The following CCDC195 variants were observed in gnomAD, a reference collection of about 807,000 sequenced individuals.
The protein encoded by CCDC195 is coiled-coil domain-containing protein 195.
intron 2 of CCDC195, among the ~76,000 whole-genome samples, chr2:224,707,968 CTTCT>C (rs1399050648): frequency 5.1e-5 from 4 of 78,278 alleles, no homozygotes; most frequent in African/African-American, 1.2e-4. Context: ...CCCTCCCTCC[CTTCT>C]TCCCTCCCTC....
chr2:224,704,615 T>C (rs1697216572), intron 2 of CCDC195, among the ~76,000 whole-genome samples: 1 of 140,590 alleles, frequency 7.1e-6, no homozygotes, highest in African/African-American at 2.6e-5. Context: ...CTTTTCTTTT[T>C]TTTTTTTTTT....
At chr2:224,708,005 T>TC (rs1689246635) in intron 2 of CCDC195, among the ~76,000 whole-genome samples, 1 of 65,952 alleles carries the variant, frequency 1.5e-5, no homozygotes, top group African/African-American at 1.1e-4. Context: ...CCTCCCTTCC[T>TC]TCCTTTCTTC....
At chr2:224,705,462 T>A (rs557923684) in intron 2 of CCDC195, among the ~76,000 whole-genome samples, 174 of 152,366 alleles carry the variant, frequency 1.1e-3, no homozygotes, top group African/African-American at 3.9e-3. Flanking sequence ...ATTGGCATTA[T>A]TTTGTAAAAT....
At chr2:224,708,331 G>A (rs775797445) in intron 2 of CCDC195, among the ~76,000 whole-genome samples, 2 of 152,084 alleles carry the variant, frequency 1.3e-5, no homozygotes, top group African/African-American at 2.4e-5. Context: ...ATAATTTCAC[G>A]ATAAAGCATA....
intron 1 of CCDC195, among the ~76,000 whole-genome samples, chr2:224,713,981 C>A (rs191850686): frequency 6.6e-6 from 1 of 150,718 alleles, no homozygotes; most frequent in Non-Finnish European, 1.5e-5. Context: ...CTGGCTAATC[C>A]TTTTCTTTTC....
At chr2:224,713,357 A>G (rs531135037) in intron 1 of CCDC195, among the ~76,000 whole-genome samples, 1 of 152,320 alleles carries the variant, frequency 6.6e-6, no homozygotes, top group South Asian at 2.1e-4. Flanking sequence ...AATCTTACTT[A>G]CACTATCTTT....
intron 2 of CCDC195, among the ~76,000 whole-genome samples, chr2:224,704,589 C>T (rs539454151): frequency 3.0e-4 from 38 of 126,756 alleles, no homozygotes; most frequent in African/African-American, 1.0e-3. Flanking sequence ...ACAGCTGCAC[C>T]TTTTTTTTTT....
intron 1 of CCDC195, among the ~76,000 whole-genome samples, chr2:224,711,363 T>G (rs1689318295): frequency 6.9e-6 from 1 of 144,316 alleles, no homozygotes; most frequent in African/African-American, 2.7e-5. Flanking sequence ...TCTTCCCTGT[T>G]TTTTTTTTTT....
intron 2 of CCDC195, among the ~76,000 whole-genome samples, chr2:224,704,687 A>G (rs1423614775): frequency 2.3e-5 from 3 of 133,106 alleles, no homozygotes; most frequent in Non-Finnish European, 4.6e-5. Flanking sequence ...CAGTGGCATG[A>G]TCTCAGCTCA....
intron 1 of CCDC195, among the ~76,000 whole-genome samples, chr2:224,714,009 T>C (rs1405367185): frequency 2.6e-5 from 4 of 152,092 alleles, no homozygotes; most frequent in African/African-American, 9.7e-5. Context: ...TTCTATTCTT[T>C]TCTTTTCTTT....
intron 2 of CCDC195, among the ~76,000 whole-genome samples, chr2:224,709,163 A>T (rs1689273907): frequency 1.5e-5 from 2 of 130,794 alleles, no homozygotes; most frequent in East Asian, 2.2e-4. Flanking sequence ...ATCTCGGCTC[A>T]CTGCAACCTC....
At chr2:224,715,170 A>G (rs765452257) in intron 1 of CCDC195, among the ~76,000 whole-genome samples, 4 of 152,062 alleles carry the variant, frequency 2.6e-5, no homozygotes, top group African/African-American at 9.7e-5. Context: ...CTCATCACCC[A>G]TCCACCTTGG....
chr2:224,705,985 T>G (rs1697235761), intron 2 of CCDC195, among the ~76,000 whole-genome samples: 1 of 152,056 alleles, frequency 6.6e-6, no homozygotes. Flanking sequence ...ATGGAAAAAC[T>G]AATAGTACTA....
chr2:224,714,525 A>G (rs1285275400), intron 1 of CCDC195, among the ~76,000 whole-genome samples: 8 of 152,186 alleles, frequency 5.3e-5, no homozygotes, highest in Admixed American at 3.3e-4. Flanking sequence ...CTGGAAGGGG[A>G]AGTGTGAGTA....
intron 1 of CCDC195, 106 bp downstream of exon 1, chr2:224,716,025 C>A (rs185655773): frequency 7.6e-6 from 3 of 397,116 alleles, no homozygotes; most frequent in African/African-American, 4.1e-5. Flanking sequence ...AACCCACCAC[C>A]GTTATTACCA....
intron 1 of CCDC195, among the ~76,000 whole-genome samples, chr2:224,715,074 G>T (rs1457571172): frequency 1.3e-5 from 2 of 152,050 alleles, no homozygotes; most frequent in Admixed American, 1.3e-4. Context: ...GATTACAGGT[G>T]TGCGCCACCA....
chr2:224,706,889 G>GTA (rs140990871), intron 2 of CCDC195, among the ~76,000 whole-genome samples: 2,069 of 141,188 alleles, frequency 0.015, 17 homozygotes, highest in Middle Eastern at 0.029. Context: ...GTGTCTGTGT[G>GTA]TATATATATA....
intron 2 of CCDC195, among the ~76,000 whole-genome samples, chr2:224,704,610 C>CTTTTTTTTTTTTTTTTTTTTTTTTTTT (rs55801561): frequency 9.0e-6 from 1 of 110,644 alleles, no homozygotes; most frequent in Non-Finnish European, 1.7e-5. Flanking sequence ...CTTTTCTTTT[C>CTTTTTTTTTTTTTTTTTTTTTTTTTTT]TTTTTTTTTT....
intron 1 of CCDC195, among the ~76,000 whole-genome samples, chr2:224,713,609 A>T (rs1420757850): frequency 2.0e-5 from 3 of 152,196 alleles, no homozygotes; most frequent in Non-Finnish European, 4.4e-5. Flanking sequence ...AGGTGTCTTC[A>T]TGCTCAGGAC....
Sources: gnomAD v4.1 joint callset for allele counts (sites outside exome capture counted in the v4.1 genomes callset) on GRCh38, gnomAD v4.1.1 for gene constraint, MANE v1.5 for transcripts, NCBI Gene and HGNC (gene_info 2026-07-23, HGNC 2026-07-21) for gene names.